GALNT13: variants seen among roughly 807,000 people sequenced by gnomAD.
GALNT13 encodes the protein UDP-GalNAc:polypeptide N-acetylgalactosaminyltransferase 13.
In GALNT13, 28 loss-of-function variants were observed where a neutral mutation model predicts 64.2. The observed-to-expected ratio is 0.44, with a 90% CI of 0.32 to 0.60. The LOEUF (loss-of-function observed/expected upper bound fraction) is 0.60, where lower values mean the gene tolerates loss of function less well. GALNT13 is among the 20% of genes least tolerant of loss of function. The pLI, the probability that GALNT13 is intolerant of heterozygous loss-of-function variation, is 0.05. For missense variants in GALNT13, 577 were observed against 669.8 expected (o/e 0.86, Z 1.53); for synonymous variants, 214 against 224.6 (o/e 0.95, Z 0.42).
In GALNT13 at chr2:154,299,770, C is replaced by G. The variant is rs538008012; in HGVS notation, c.976-1639C>G. On this transcript the variant is annotated intron_variant, in intron 8 of 12. Transcript: ENST00000392825. ...GAGCCACCGCGCCCGGCCTGAAATA[C>G]GTTGATTATTTAAGAATGAGCTTCC... Among the ~76,000 whole-genome samples, 137 of 151,788 alleles carry G rather than the reference C, an allele frequency of 9.0e-4. 2 individuals carry two copies. The highest frequency in any genetic ancestry group is 6.8e-3 in the Middle Eastern group (2 of 294).
At chr2:153,382,604 G>A in the GALNT13 span, among the ~76,000 whole-genome samples, 1 of 151,900 alleles carries the variant, frequency 6.6e-6, no homozygotes, top group African/African-American at 2.4e-5. Context: ...ATTCCATGAG[G>A]AGCAAATCAT....
chr2:153,493,483 G>C, the GALNT13 span, among the ~76,000 whole-genome samples: 3 of 151,888 alleles, frequency 2.0e-5, no homozygotes, highest in African/African-American at 7.2e-5. Flanking sequence ...AAATAATTTC[G>C]TTTTAAATCA....
chr2:154,345,726 C>G (rs1321119474), intron 9 of GALNT13, among the ~76,000 whole-genome samples: 1 of 151,980 alleles, frequency 6.6e-6, no homozygotes, highest in Non-Finnish European at 1.5e-5. Flanking sequence ...CCACCTAATT[C>G]TGGATTGGAG....
At chr2:154,211,629 CAAAAAAAAAAAAAAAAA>C (rs140095331) in intron 4 of GALNT13, among the ~76,000 whole-genome samples, 1 of 37,946 alleles carries the variant, frequency 2.6e-5, no homozygotes, top group African/African-American at 1.1e-4. Context: ...ACTCCATCTC[CAAAAAAAAAAAAAAAAA>C]AAAAAAAAAG....
chr2:154,185,588 T>A (rs1257175286), intron 4 of GALNT13, among the ~76,000 whole-genome samples: 1 of 151,930 alleles, frequency 6.6e-6, no homozygotes, highest in Admixed American at 6.6e-5. Context: ...AAATTATCTG[T>A]CTTTGTGTTC....
the GALNT13 span, among the ~76,000 whole-genome samples, chr2:153,169,210 A>G: frequency 2.6e-5 from 4 of 152,196 alleles, no homozygotes; most frequent in African/African-American, 7.2e-5. Context: ...CTTCTAGGGC[A>G]AAAAGATTGA....
At chr2:153,549,354 A>G in the GALNT13 span, among the ~76,000 whole-genome samples, 1 of 152,196 alleles carries the variant, frequency 6.6e-6, no homozygotes, top group Non-Finnish European at 1.5e-5. Context: ...TGTTTTTTTA[A>G]GGAATGCAGT....
chr2:153,803,521 TC>T, the GALNT13 span, among the ~76,000 whole-genome samples: 2 of 151,390 alleles, frequency 1.3e-5, no homozygotes, highest in African/African-American at 2.4e-5. Flanking sequence ...TGAAACCCCG[TC>T]TCTACTAAAA....
the GALNT13 span, among the ~76,000 whole-genome samples, chr2:153,115,748 T>C: frequency 6.6e-6 from 1 of 152,274 alleles, no homozygotes; most frequent in African/African-American, 2.4e-5. Flanking sequence ...TAATTATTAA[T>C]ATAATTGAAC....
chr2:154,454,039 TGAAGGTATAA>T (rs1701972289), downstream of GALNT13, among the ~76,000 whole-genome samples: 1 of 152,194 alleles, frequency 6.6e-6, no homozygotes, highest in African/African-American at 2.4e-5. Context: ...AATGGCCACT[TGAAGGTATAA>T]GATTTTGACT....
intron 6 of GALNT13, 100 bp downstream of exon 6, chr2:154,243,005 A>G: frequency 1.0e-6 from 1 of 974,982 alleles, no homozygotes; most frequent in South Asian, 1.7e-5. Flanking sequence ...CTATTTTTAG[A>G]AGGTTTATTT....
chr2:153,223,980 A>C, the GALNT13 span, among the ~76,000 whole-genome samples: 25,766 of 151,962 alleles, frequency 0.17, 2,284 homozygotes, highest in Non-Finnish European at 0.19. Context: ...AAAAAAATAA[A>C]AATAAATAAA....
the GALNT13 span, among the ~76,000 whole-genome samples, chr2:153,435,353 C>T: frequency 6.6e-6 from 1 of 151,944 alleles, no homozygotes; most frequent in Non-Finnish European, 1.5e-5. Flanking sequence ...AGTTTTTTTC[C>T]AATTCTGTGA....
intron 8 of GALNT13, among the ~76,000 whole-genome samples, chr2:154,261,253 T>A (rs1221479460): frequency 6.6e-6 from 1 of 152,168 alleles, no homozygotes; most frequent in Non-Finnish European, 1.5e-5. Flanking sequence ...GATTGGTTAT[T>A]GGGATTATTA....
At chr2:153,373,216 G>T in the GALNT13 span, among the ~76,000 whole-genome samples, 1 of 151,644 alleles carries the variant, frequency 6.6e-6, no homozygotes, top group East Asian at 1.9e-4. Context: ...ATTACTTCCT[G>T]GGAGATAAAA....
chr2:153,201,486 A>G, the GALNT13 span, among the ~76,000 whole-genome samples: 1 of 152,168 alleles, frequency 6.6e-6, no homozygotes, highest in Non-Finnish European at 1.5e-5. Context: ...ATGTCTTTAA[A>G]ATTGATTTAT....
rs1191519021 is a variant in GALNT13, at chr2:154,007,280, G to T, written c.142+62641G>T. Among the ~76,000 whole-genome samples, 7 of 149,048 alleles carry T rather than the reference G, an allele frequency of 4.7e-5. 1 individual carries two copies. Among genetic ancestry groups the T allele is most frequent in the South Asian group, 2.1e-4 (1 of 4,658 alleles). On this transcript the variant is annotated intron_variant, in intron 3 of 12. Coordinates refer to ENST00000392825, the MANE Select transcript of GALNT13 (RefSeq NM_052917.4). ...TCCTACACCTGAAAGGATTGAATTT[G>T]TCACCAATCGTGTGAGCTCAAAAGA...
intron 9 of GALNT13, among the ~76,000 whole-genome samples, chr2:154,382,260 A>G (rs1468481914): frequency 2.0e-5 from 3 of 152,098 alleles, no homozygotes; most frequent in Admixed American, 6.6e-5. Flanking sequence ...GAAGAGAGGC[A>G]TGTTAGAATT....
intron 3 of GALNT13, among the ~76,000 whole-genome samples, chr2:154,027,425 A>G (rs1236624271): frequency 6.6e-6 from 1 of 152,168 alleles, no homozygotes; most frequent in Non-Finnish European, 1.5e-5. Flanking sequence ...ATCCCTGACT[A>G]GAGATAGCAT....
Sources: gnomAD v4.1 joint callset for allele counts (sites outside exome capture counted in the v4.1 genomes callset) on GRCh38, gnomAD v4.1.1 for gene constraint, MANE v1.5 for transcripts, NCBI Gene and HGNC (gene_info 2026-07-23, HGNC 2026-07-21) for gene names.